IGFL2: variants seen among roughly 807,000 people sequenced by gnomAD.
IGFL2 encodes insulin growth factor-like family member 2.
A neutral mutation model predicts 13.9 loss-of-function variants in IGFL2; 7 were observed. The ratio of observed to expected loss-of-function variants is 0.51; its 90% CI spans 0.29 to 0.95. The LOEUF (loss-of-function observed/expected upper bound fraction) is 0.95. Ranked by LOEUF, IGFL2 falls within the 40% of genes least tolerant of loss-of-function variation. The pLI, the probability that IGFL2 is intolerant of heterozygous loss-of-function variation, is 0.08. For missense variants in IGFL2, 138 were observed against 147.8 expected, an observed-to-expected ratio of 0.93 and a Z score of 0.34; for synonymous variants, 55 against 55.8, an observed-to-expected ratio of 0.99 and a Z score of 0.07.
At chr19:46,120,274 C>G in the IGFL2 span, 12 of 1,607,980 alleles carry the variant, frequency 7.5e-6, no homozygotes, top group Admixed American at 6.8e-5. Flanking sequence ...CTCCGATGTC[C>G]AGCTGCTTCG....
chr19:46,142,411 G>A (rs1161334605), upstream of IGFL2, among the ~76,000 whole-genome samples: 2 of 152,276 alleles, frequency 1.3e-5, no homozygotes, highest in South Asian at 2.1e-4. Context: ...GGGTTTCTAC[G>A]TGAAATATAG....
chr19:46,172,773 A>C, the IGFL2 span, among the ~76,000 whole-genome samples: 1 of 152,120 alleles, frequency 6.6e-6, no homozygotes, highest in African/African-American at 2.4e-5. Context: ...ACTGGAGTGC[A>C]GTGGTGCGAT....
chr19:46,082,093 A>T, the IGFL2 span, among the ~76,000 whole-genome samples: 13 of 152,330 alleles, frequency 8.5e-5, no homozygotes, highest in African/African-American at 2.2e-4. Flanking sequence ...TTTAATGAGG[A>T]AATTCCTTGT....
At chr19:46,127,949 A>G in the IGFL2 span, among the ~76,000 whole-genome samples, 1 of 152,074 alleles carries the variant, frequency 6.6e-6, no homozygotes, top group Non-Finnish European at 1.5e-5. Context: ...GATTCTTCCT[A>G]TCCATGAGCA....
chr19:46,121,712 T>C, the IGFL2 span, among the ~76,000 whole-genome samples: 2 of 150,122 alleles, frequency 1.3e-5, no homozygotes, highest in African/African-American at 5.0e-5. Context: ...TTTTAGAAAA[T>C]GTAGGTAAAG....
the IGFL2 span, among the ~76,000 whole-genome samples, chr19:46,103,726 G>A: frequency 1.1e-4 from 16 of 152,164 alleles, no homozygotes; most frequent in African/African-American, 3.9e-4. Context: ...AGGGGTGAAT[G>A]CGTAAAGCTT....
intron 3 of IGFL2, 36 bp downstream of exon 3, chr19:46,160,917 A>G: frequency 6.2e-7 from 1 of 1,608,200 alleles, no homozygotes; most frequent in Non-Finnish European, 8.5e-7. Flanking sequence ...GGTCGGGGGA[A>G]GGGAGGTGGA....
the IGFL2 span, among the ~76,000 whole-genome samples, chr19:46,183,333 A>T: frequency 6.6e-6 from 1 of 152,082 alleles, no homozygotes; most frequent in Non-Finnish European, 1.5e-5. Context: ...GAGTGGGGAC[A>T]CAGAGCCAAA....
chr19:46,079,297 T>A, the IGFL2 span, among the ~76,000 whole-genome samples: 22 of 152,256 alleles, frequency 1.4e-4, no homozygotes, highest in African/African-American at 5.3e-4. Flanking sequence ...AAGAATCCTC[T>A]GCAATGGTTT....
At chr19:46,138,325 A>G (rs1048657497), upstream of IGFL2, among the ~76,000 whole-genome samples, 1 of 152,170 alleles carries the variant, frequency 6.6e-6, no homozygotes, top group Non-Finnish European at 1.5e-5. Flanking sequence ...TGCATCGTCT[A>G]ACCCTGGGGA....
the IGFL2 span, chr19:46,202,778 TA>T: frequency 6.6e-6 from 1 of 151,998 alleles, no homozygotes; most frequent in African/African-American, 2.4e-5. Flanking sequence ...AGGGAGAGAT[TA>T]AAGAGTGGAG....
the IGFL2 span, among the ~76,000 whole-genome samples, chr19:46,091,155 G>C: frequency 1.3e-5 from 2 of 152,268 alleles, no homozygotes; most frequent in South Asian, 4.1e-4. Context: ...ATGTTTCCGT[G>C]TGGGCAATGA....
the IGFL2 span, among the ~76,000 whole-genome samples, chr19:46,092,329 A>T: frequency 0.013 from 2,008 of 151,904 alleles, 32 homozygotes; most frequent in Middle Eastern, 0.027. Context: ...CTGGCTAATT[A>T]AAAAAAATTT....
At chr19:46,132,670 GA>G in the IGFL2 span, among the ~76,000 whole-genome samples, 3 of 138,558 alleles carry the variant, frequency 2.2e-5, no homozygotes, top group Non-Finnish European at 3.3e-5. Context: ...TAGAGGGAGA[GA>G]GGGAGGGAGA....
chr19:46,163,885 T>C (rs774145644), downstream of IGFL2: 1 of 152,302 alleles, frequency 6.6e-6, no homozygotes, highest in Non-Finnish European at 1.5e-5. Flanking sequence ...GTGAAGACTG[T>C]GAAACAGCAA....
At chr19:46,179,772 C>T in the IGFL2 span, among the ~76,000 whole-genome samples, 1 of 151,982 alleles carries the variant, frequency 6.6e-6, no homozygotes, top group Non-Finnish European at 1.5e-5. Flanking sequence ...AAAAATTAGC[C>T]GGGAGTGTTG....
At chr19:46,101,503 T>C in the IGFL2 span, among the ~76,000 whole-genome samples, 1 of 152,140 alleles carries the variant, frequency 6.6e-6, no homozygotes, top group Non-Finnish European at 1.5e-5. Context: ...GAGTCCACAA[T>C]CTGCCACAAC....
At chr19:46,118,070 G>A in the IGFL2 span, among the ~76,000 whole-genome samples, 7 of 152,234 alleles carry the variant, frequency 4.6e-5, no homozygotes, top group South Asian at 1.5e-3. Flanking sequence ...CCTAGGGTGG[G>A]CATCCTTTTC....
the IGFL2 span, among the ~76,000 whole-genome samples, chr19:46,176,138 C>T: frequency 6.8e-6 from 1 of 147,586 alleles, no homozygotes; most frequent in African/African-American, 2.5e-5. Context: ...CAGGCGTGAG[C>T]CACCGTTCCC....
Sources: gnomAD v4.1 joint callset for allele counts (sites outside exome capture counted in the v4.1 genomes callset) on GRCh38, gnomAD v4.1.1 for gene constraint, MANE v1.5 for transcripts, NCBI Gene and HGNC (gene_info 2026-07-23, HGNC 2026-07-21) for gene names.